AGBL4: variants seen among roughly 807,000 people sequenced by gnomAD.
AGBL4 encodes cytosolic carboxypeptidase 6.
Under a neutral mutation model 66.4 loss-of-function variants are expected in AGBL4, and 58 were observed. That is an observed-to-expected ratio of 0.87 (90% CI 0.71 to 1.09). AGBL4 has a LOEUF of 1.09. Among genes scored for constraint, AGBL4 ranks in the 50% least tolerant of loss-of-function variants. The pLI is 0.00. For missense variants in AGBL4, 579 were observed against 631.0 expected (o/e 0.92, Z 0.88); for synonymous variants, 234 against 222.9 (o/e 1.05, Z -0.44).
intron 4 of AGBL4, among the ~76,000 whole-genome samples, chr1:49,176,552 C>G (rs997947369): frequency 1.3e-5 from 2 of 152,076 alleles, no homozygotes; most frequent in Non-Finnish European, 2.9e-5. Context: ...CTCATACAAA[C>G]GATGGAAGCA....
chr1:49,751,088 T>C (rs943058981), intron 2 of AGBL4, among the ~76,000 whole-genome samples: 1 of 152,180 alleles, frequency 6.6e-6, no homozygotes, highest in African/African-American at 2.4e-5. Context: ...TTTCTTTCAC[T>C]TGTGTGATTG....
At chr1:49,528,028 A>G (rs1204321440) in intron 3 of AGBL4, among the ~76,000 whole-genome samples, 1 of 152,074 alleles carries the variant, frequency 6.6e-6, no homozygotes, top group East Asian at 1.9e-4. Flanking sequence ...CAAAATTAGG[A>G]GAGACAGCAA....
chr1:49,444,536 T>C (rs1646109271), intron 3 of AGBL4, among the ~76,000 whole-genome samples: 1 of 152,074 alleles, frequency 6.6e-6, no homozygotes, highest in South Asian at 2.1e-4. Flanking sequence ...AACCTTTTTT[T>C]TCCTTTTTTT....
chr1:49,759,632 G>A (rs1652153964), intron 2 of AGBL4, among the ~76,000 whole-genome samples: 1 of 152,106 alleles, frequency 6.6e-6, no homozygotes, highest in Non-Finnish European at 1.5e-5. Flanking sequence ...ATTGGGAGTA[G>A]GTATACATAA....
At chr1:49,920,112 G>C (rs1304785939) in intron 1 of AGBL4, among the ~76,000 whole-genome samples, 1 of 152,190 alleles carries the variant, frequency 6.6e-6, no homozygotes, top group Admixed American at 6.5e-5. Flanking sequence ...AGACTTACAT[G>C]TTAGACCTAA....
intron 5 of AGBL4, among the ~76,000 whole-genome samples, chr1:48,989,379 A>G (rs2148975756): frequency 6.6e-6 from 1 of 152,182 alleles, no homozygotes; most frequent in Non-Finnish European, 1.5e-5. Context: ...AAACAATTCA[A>G]TTATACTTTT....
intron 11 of AGBL4, among the ~76,000 whole-genome samples, chr1:48,581,067 T>C: frequency 6.6e-6 from 1 of 152,190 alleles, no homozygotes; most frequent in East Asian, 1.9e-4. Flanking sequence ...CTGCCAGAAC[T>C]TTTATCCCTC....
At chr1:49,105,671 A>G (rs1645279592) in intron 4 of AGBL4, among the ~76,000 whole-genome samples, 1 of 152,186 alleles carries the variant, frequency 6.6e-6, no homozygotes, top group South Asian at 2.1e-4. Context: ...GCTGTGTAAC[A>G]TGAGAATGTT....
chr1:48,781,648 C>A (rs182614243), intron 6 of AGBL4, among the ~76,000 whole-genome samples: 211 of 152,356 alleles, frequency 1.4e-3, no homozygotes, highest in African/African-American at 4.8e-3. Flanking sequence ...TTATACAGTT[C>A]TAATGCCAGG....
At chr1:49,059,645 C>T (rs1194922454) in intron 4 of AGBL4, among the ~76,000 whole-genome samples, 1 of 152,120 alleles carries the variant, frequency 6.6e-6, no homozygotes, top group African/African-American at 2.4e-5. Context: ...ACAGACAATG[C>T]CAGCCTGTTA....
intron 6 of AGBL4, among the ~76,000 whole-genome samples, chr1:48,799,475 A>G (rs1382775027): frequency 6.6e-6 from 1 of 152,080 alleles, no homozygotes; most frequent in Non-Finnish European, 1.5e-5. Flanking sequence ...ACTGATTTGG[A>G]TGCCTTTTAT....
At chr1:49,758,162 G>T (rs192635274) in intron 2 of AGBL4, among the ~76,000 whole-genome samples, 3 of 152,302 alleles carry the variant, frequency 2.0e-5, no homozygotes, top group African/African-American at 7.2e-5. Context: ...ACTTCCACAT[G>T]ATGTTAGTCC....
chr1:48,736,382 G>A lies in AGBL4; in HGVS notation c.635-73141C>T. 6.2e-7 allele frequency: 1 copy of A among 1,614,062 alleles called. No individual in the cohort carries two copies. Among genetic ancestry groups the A allele is most frequent in the Non-Finnish European group, 8.5e-7 (1 of 1,180,008 alleles). ...AACTGCCAAGTTCTTCGTGTACTTG[G>A]AATCTCCTTGGGTTACTTGTAGCTG... On this transcript the variant is annotated intron_variant, in intron 6 of 13. Coordinates refer to ENST00000371839, the MANE Select transcript of AGBL4 (RefSeq NM_032785.4). This position sits in a 1 kb window ranked among gnomAD's most constrained non-coding sequence, Gnocchi z 4.0.
intron 3 of AGBL4, among the ~76,000 whole-genome samples, chr1:49,675,321 A>C (rs1162812445): frequency 6.6e-6 from 1 of 152,122 alleles, no homozygotes; most frequent in Non-Finnish European, 1.5e-5. Flanking sequence ...TCATAACAGA[A>C]ACAAAAAAAT....
chr1:48,552,009 C>T (rs367883592), intron 11 of AGBL4, among the ~76,000 whole-genome samples: 1 of 152,096 alleles, frequency 6.6e-6, no homozygotes, highest in East Asian at 1.9e-4. Context: ...GACTTCAGAC[C>T]ACATTAGGCA....
intron 2 of AGBL4, among the ~76,000 whole-genome samples, chr1:49,736,976 C>T (rs1430402070): frequency 6.6e-6 from 1 of 151,912 alleles, no homozygotes; most frequent in Non-Finnish European, 1.5e-5. Context: ...CCATCTGACA[C>T]CAGTCAGACA....
chr1:48,602,525 G>A (rs1001352529), intron 9 of AGBL4, among the ~76,000 whole-genome samples: 1 of 152,164 alleles, frequency 6.6e-6, no homozygotes, highest in Non-Finnish European at 1.5e-5. Flanking sequence ...GCATGGCCCT[G>A]TGGGGAGAGC....
intron 3 of AGBL4, among the ~76,000 whole-genome samples, chr1:49,289,822 A>C (rs1298792465): frequency 6.6e-6 from 1 of 152,156 alleles, no homozygotes; most frequent in Non-Finnish European, 1.5e-5. Flanking sequence ...AACAACCCAA[A>C]GTAAGTAGAA....
intron 6 of AGBL4, among the ~76,000 whole-genome samples, chr1:48,674,968 ACT>A (rs1167478790): frequency 6.6e-6 from 1 of 151,806 alleles, no homozygotes; most frequent in Admixed American, 6.6e-5. Flanking sequence ...CCCTCTGGTG[ACT>A]CTGAGCTTTT....
Sources: allele counts gnomAD v4.1 joint callset (sites outside exome capture counted in the v4.1 genomes callset), GRCh38; gene constraint gnomAD v4.1.1; non-coding constraint Gnocchi (gnomAD v3.1); transcripts MANE v1.5; gene names NCBI Gene and HGNC (gene_info 2026-07-23, HGNC 2026-07-21).